TOPAZ1: variants seen among roughly 807,000 people sequenced by gnomAD.
TOPAZ1 encodes protein TOPAZ1.
In TOPAZ1, 66 loss-of-function variants were observed where a neutral mutation model predicts 172.2. The observed-to-expected ratio is 0.38, with a 90% CI of 0.31 to 0.47. TOPAZ1 has a LOEUF of 0.47. Ranked by LOEUF, TOPAZ1 falls within the 20% of genes least tolerant of loss-of-function variation. TOPAZ1 has a pLI of 0.99. For missense variants in TOPAZ1, 1,822 were observed against 1,972.4 expected (o/e 0.92, Z 1.44); for synonymous variants, 681 against 683.9 (o/e 1.00, Z 0.07).
At chr3:44,260,207 G>A (rs1253504746) in intron 4 of TOPAZ1, among the ~76,000 whole-genome samples, 1 of 152,110 alleles carries the variant, frequency 6.6e-6, no homozygotes, top group Non-Finnish European at 1.5e-5. Flanking sequence ...CCAGTCTTGG[G>A]CAGTTCTTTA....
At position 44,318,767 on chromosome 3, in the gene TOPAZ1, A is replaced by AT. The variant is rs533609405; in HGVS notation, c.4307-2260_4307-2259insT. Among the ~76,000 whole-genome samples the AT allele has an allele frequency of 3.9e-3, 572 of 148,128 alleles. 2 individuals are homozygous for AT. Among genetic ancestry groups the AT allele is most frequent in the African/African-American group, 0.012 (476 of 40,786 alleles). ...CCTGCCCCATTCCTCGGAAAAAAAA[A>AT]ATATATATATGTATTTTATATATAT... On this transcript the variant is annotated intron_variant, in intron 16 of 19. Transcript: ENST00000309765.
chr3:44,269,046 A>G (rs1188743912), intron 6 of TOPAZ1, among the ~76,000 whole-genome samples, 170 bp from the exon 7 acceptor site: 3 of 152,210 alleles, frequency 2.0e-5, no homozygotes, highest in South Asian at 2.1e-4. Context: ...CCTAAGATGT[A>G]TATCGTACTA....
chr3:44,250,023 G>A (rs1343952970), intron 2 of TOPAZ1, among the ~76,000 whole-genome samples: 1 of 152,050 alleles, frequency 6.6e-6, no homozygotes, highest in Non-Finnish European at 1.5e-5. Context: ...ACTTCTGAGG[G>A]ATAAATATCT....
intron 9 of TOPAZ1, among the ~76,000 whole-genome samples, chr3:44,287,126 G>A (rs931105873): frequency 1.3e-5 from 2 of 152,192 alleles, no homozygotes; most frequent in Non-Finnish European, 2.9e-5. Context: ...TATGATGTAT[G>A]GGAATGGCAG....
chr3:44,254,365 C>T (rs566932706), intron 2 of TOPAZ1, among the ~76,000 whole-genome samples: 2 of 152,234 alleles, frequency 1.3e-5, no homozygotes, highest in African/African-American at 2.4e-5. Context: ...CAGTGACTCA[C>T]GCCTGTAATC....
At position 44,243,605 on chromosome 3, in the gene TOPAZ1, G is replaced by C; in HGVS notation, c.1099G>C (p.Ala367Pro). The C allele has an allele frequency of 6.4e-7, 1 of 1,550,452 alleles. No individual in the cohort carries two copies. The highest frequency in any genetic ancestry group is 2.4e-5 in the East Asian group (1 of 40,920). The change falls in exon 2 of 20, where the codon GCT becomes CCT. Residue 367 changes from alanine to proline, a missense_variant. Physicochemically the swap from Ala to Pro is conservative, Grantham distance 27. Around this residue, in one of 2 missense-constraint regions of TOPAZ1, gnomAD observed 1,489 missense variants for 1,490.8 expected, o/e 1.00. Transcript: ENST00000309765. ...ELMLQENQMI[A>P]DGKEAETKSP... ...GATGTTGCAAGAAAATCAAATGATT[G>C]CTGATGGTAAAGAAGCAGAGACTAA...
intron 8 of TOPAZ1, among the ~76,000 whole-genome samples, chr3:44,271,132 G>T (rs1172618897): frequency 6.6e-6 from 1 of 152,102 alleles, no homozygotes; most frequent in African/African-American, 2.4e-5. Context: ...ATGTCTTTTG[G>T]TGAACATATG....
chr3:44,276,624 C>CT (rs762865769), intron 8 of TOPAZ1, among the ~76,000 whole-genome samples: 1,460 of 24,074 alleles, frequency 0.061, 282 homozygotes, highest in African/African-American at 0.094. Context: ...CAGCTTTGTT[C>CT]TTTTTTTTTT....
chr3:44,248,349 G>A (rs977084921), intron 2 of TOPAZ1, among the ~76,000 whole-genome samples: 35 of 152,012 alleles, frequency 2.3e-4, no homozygotes, highest in African/African-American at 8.5e-4. Context: ...TACTATCTTT[G>A]AACTTCATTT....
chr3:44,301,486 C>T (rs2125698375), intron 12 of TOPAZ1, among the ~76,000 whole-genome samples: 1 of 152,262 alleles, frequency 6.6e-6, no homozygotes, highest in East Asian at 1.9e-4. Flanking sequence ...CATTTGTGTT[C>T]CCATCAGAAA....
At chr3:44,285,616 C>G (rs2125692330) in intron 9 of TOPAZ1, among the ~76,000 whole-genome samples, 1 of 151,892 alleles carries the variant, frequency 6.6e-6, no homozygotes, top group Non-Finnish European at 1.5e-5. Flanking sequence ...GTCGCCCAGG[C>G]TGGAGTGCAG....
chr3:44,330,144 T>C (rs1700648284), intron 19 of TOPAZ1, among the ~76,000 whole-genome samples: 1 of 152,160 alleles, frequency 6.6e-6, no homozygotes, highest in South Asian at 2.1e-4. Context: ...TAGTTCCACC[T>C]TCAAAAAAAC....
At chr3:44,248,780 A>G (rs1245491425) in intron 2 of TOPAZ1, among the ~76,000 whole-genome samples, 1 of 152,232 alleles carries the variant, frequency 6.6e-6, no homozygotes, top group African/African-American at 2.4e-5. Flanking sequence ...TGAAAGGGTG[A>G]GGCCCATATA....
Position 44,305,239 on chromosome 3 carries a change from T to G in TOPAZ1, c.3957T>G (p.Phe1319Leu). The change falls in exon 14 of 20, where the codon TTT (phenylalanine) becomes TTG (leucine). Residue 1319 changes from phenylalanine (F) to leucine (L), a missense_variant. Around this residue, in one of 2 missense-constraint regions of TOPAZ1, gnomAD observed 333 missense variants for 481.7 expected, o/e 0.69. Transcript: ENST00000309765. ...GCEKFADFQT[F>L]CACIAETLTK... ...AAAAATTTGCAGATTTCCAGACATT[T>G]TGTGCTTGCATTGCTGAAACACTCA... 6.5e-7 allele frequency: 1 copy of G among 1,548,972 alleles called. No individual in the cohort carries two copies. The highest frequency in any genetic ancestry group is 8.7e-7 in the Non-Finnish European group (1 of 1,146,298).
intron 9 of TOPAZ1, among the ~76,000 whole-genome samples, 187 bp downstream of exon 9, chr3:44,282,218 C>T (rs1700030918): frequency 6.6e-6 from 1 of 152,166 alleles, no homozygotes; most frequent in South Asian, 2.1e-4. Flanking sequence ...ATCTACCTAA[C>T]ACTGTCATTC....
intron 16 of TOPAZ1, among the ~76,000 whole-genome samples, chr3:44,314,188 A>G (rs1420537083): frequency 6.6e-6 from 1 of 152,100 alleles, no homozygotes; most frequent in Non-Finnish European, 1.5e-5. Context: ...CGGCCTCCCA[A>G]AGTGCTGGGA....
intron 16 of TOPAZ1, among the ~76,000 whole-genome samples, chr3:44,319,267 G>A (rs1028618655): frequency 6.6e-6 from 1 of 152,170 alleles, no homozygotes; most frequent in African/African-American, 2.4e-5. Context: ...ACAGGGAGAT[G>A]ATGTGGGGAG....
At chr3:44,306,656 G>C (rs1054897242) in intron 15 of TOPAZ1, among the ~76,000 whole-genome samples, 2 of 152,114 alleles carry the variant, frequency 1.3e-5, no homozygotes, top group Non-Finnish European at 2.9e-5. Flanking sequence ...CAGCTACTCA[G>C]GAAGCTGAGT....
chr3:44,322,946 A>G (rs1267354917), intron 17 of TOPAZ1, 146 bp from the exon 18 acceptor site: 6 of 521,524 alleles, frequency 1.2e-5, no homozygotes, highest in Non-Finnish European at 2.0e-5. Flanking sequence ...TAAAGAGAAT[A>G]TATAAAATGA....
Sources: allele counts gnomAD v4.1 joint callset (sites outside exome capture counted in the v4.1 genomes callset), GRCh38; gene constraint gnomAD v4.1.1; regional missense constraint gnomAD v4.1.1; transcripts MANE v1.5; gene names NCBI Gene and HGNC (gene_info 2026-07-23, HGNC 2026-07-21).